TMPRSS11D: variants seen among roughly 807,000 people sequenced by gnomAD.
TMPRSS11D encodes the protein transmembrane protease serine 11D.
A neutral mutation model predicts 44.4 loss-of-function variants in TMPRSS11D; 32 were observed. The observed-to-expected ratio is 0.72, with a 90% CI of 0.54 to 0.97. TMPRSS11D has a LOEUF of 0.97. Among genes scored for constraint, TMPRSS11D ranks in the 50% least tolerant of loss-of-function variants. TMPRSS11D has a pLI of 0.00. For synonymous variants in TMPRSS11D, 179 were observed against 177.9 expected (o/e 1.01, Z -0.05); for missense variants, 446 against 502.6 (o/e 0.89, Z 1.08).
chr4:67,829,123 TAAAAC>T (rs570153950), intron 7 of TMPRSS11D, among the ~76,000 whole-genome samples: 126 of 152,044 alleles, frequency 8.3e-4, no homozygotes, highest in African/African-American at 2.9e-3. Context: ...TCCCTAATCT[TAAAAC>T]AATCTTTAAA....
intron 3 of TMPRSS11D, among the ~76,000 whole-genome samples, chr4:67,846,492 C>A (rs889267258): frequency 1.3e-5 from 2 of 152,026 alleles, no homozygotes. Context: ...TGGCTTTAAG[C>A]ATTGAAAAAG....
intron 7 of TMPRSS11D, among the ~76,000 whole-genome samples, chr4:67,831,422 A>G (rs1044944339): frequency 6.6e-6 from 1 of 152,222 alleles, no homozygotes; most frequent in South Asian, 2.1e-4. Context: ...ATGGTAATGA[A>G]TAGAAGGATG....
intron 1 of TMPRSS11D, among the ~76,000 whole-genome samples, chr4:67,879,317 T>C (rs1719265473): frequency 1.3e-5 from 2 of 151,204 alleles, no homozygotes; most frequent in South Asian, 4.2e-4. Context: ...CCATCTCTAC[T>C]AAAAATACAA....
At chr4:67,861,820 G>C (rs1247710566) in intron 1 of TMPRSS11D, among the ~76,000 whole-genome samples, 1 of 152,056 alleles carries the variant, frequency 6.6e-6, no homozygotes, top group Non-Finnish European at 1.5e-5. Context: ...ACATAAGAAT[G>C]AATTGTTCCA....
At chr4:67,845,529 GA>G (rs1718337650) in intron 3 of TMPRSS11D, among the ~76,000 whole-genome samples, 1 of 152,226 alleles carries the variant, frequency 6.6e-6, no homozygotes, top group East Asian at 1.9e-4. Context: ...GCAAATCATA[GA>G]GACGATGTAT....
At chr4:67,856,449 C>T (rs546456563) in intron 2 of TMPRSS11D, among the ~76,000 whole-genome samples, 21 of 152,158 alleles carry the variant, frequency 1.4e-4, no homozygotes, top group African/African-American at 5.1e-4. Flanking sequence ...TGAAACTGGA[C>T]CCTTATCTCT....
chr4:67,862,972 G>A (rs994898013), intron 1 of TMPRSS11D, among the ~76,000 whole-genome samples: 2 of 151,690 alleles, frequency 1.3e-5, no homozygotes, highest in Non-Finnish European at 2.9e-5. Context: ...GAGTTAATGG[G>A]TGCAGCACAA....
Position 67,827,286 on chromosome 4 carries a change from T to G in TMPRSS11D, c.927A>C (p.Thr309=). The change falls in exon 8 of 10, where the codon ACA becomes ACC. Residue 309 remains threonine (T), a synonymous_variant. Coordinates refer to ENST00000283916, the MANE Select transcript of TMPRSS11D (RefSeq NM_004262.3). ...CAGCATATTCTTGAGCGCCCCATCC[T>G]GTTACATAAGCAGTAGAGCCAGGTG... ...NIPPGSTAYV[T]GWGAQEYAGH... 3 of 1,611,890 alleles carry G rather than the reference T, an allele frequency of 1.9e-6. No homozygotes were observed. Among genetic ancestry groups the G allele is most frequent in the Non-Finnish European group, 2.5e-6 (3 of 1,179,110 alleles).
intron 1 of TMPRSS11D, among the ~76,000 whole-genome samples, chr4:67,879,855 A>T (rs1039892018): frequency 2.0e-5 from 3 of 152,192 alleles, no homozygotes; most frequent in Admixed American, 6.5e-5. Flanking sequence ...GTACCATTGG[A>T]CCCGTGTAAG....
At chr4:67,840,720 C>G (rs1440023691) in intron 4 of TMPRSS11D, among the ~76,000 whole-genome samples, 1 of 152,016 alleles carries the variant, frequency 6.6e-6, no homozygotes, top group African/African-American at 2.4e-5. Context: ...GATGGATACC[C>G]CATTTTACAC....
chr4:67,872,826 G>A (rs6811522), intron 1 of TMPRSS11D, among the ~76,000 whole-genome samples: 17,239 of 152,194 alleles, frequency 0.11, 1,145 homozygotes, highest in Non-Finnish European at 0.15. Context: ...TGTTAGTATT[G>A]ATGGCAAGCA....
At chr4:67,871,136 A>G (rs542058262) in intron 1 of TMPRSS11D, among the ~76,000 whole-genome samples, 3 of 102,442 alleles carry the variant, frequency 2.9e-5, no homozygotes, top group African/African-American at 1.0e-4. Context: ...TGAAAAGTCT[A>G]TAAAGGAAGG....
chr4:67,833,528 T>C (rs1717998985), intron 6 of TMPRSS11D, 147 bp from the exon 7 acceptor site: 1 of 664,582 alleles, frequency 1.5e-6, no homozygotes, highest in Admixed American at 3.9e-5. Context: ...GCATGATCGA[T>C]ATATTTCTAC....
intron 1 of TMPRSS11D, among the ~76,000 whole-genome samples, chr4:67,862,395 C>G (rs1718811605): frequency 6.6e-6 from 1 of 152,126 alleles, no homozygotes; most frequent in Non-Finnish European, 1.5e-5. Flanking sequence ...CTCACATACA[C>G]TTTGTCCCTA....
At chr4:67,882,646 A>G (rs1719347384) in intron 1 of TMPRSS11D, among the ~76,000 whole-genome samples, 2 of 152,298 alleles carry the variant, frequency 1.3e-5, no homozygotes, top group South Asian at 4.1e-4. Flanking sequence ...TAATTTCTTT[A>G]AAATTAAAAT....
chr4:67,865,632 GA>G (rs1560547807), intron 1 of TMPRSS11D, among the ~76,000 whole-genome samples: 1 of 151,520 alleles, frequency 6.6e-6, no homozygotes, highest in East Asian at 1.9e-4. Flanking sequence ...AATCAGAAAT[GA>G]AAAAGGAAAC....
At chr4:67,849,156 A>G (rs1286738033) in intron 3 of TMPRSS11D, among the ~76,000 whole-genome samples, 3 of 152,200 alleles carry the variant, frequency 2.0e-5, no homozygotes, top group Admixed American at 1.3e-4. Flanking sequence ...AATTTTAAGG[A>G]TGAATTCTAG....
intron 1 of TMPRSS11D, among the ~76,000 whole-genome samples, chr4:67,879,852 T>C (rs1462858809): frequency 6.6e-6 from 1 of 152,254 alleles, no homozygotes; most frequent in East Asian, 1.9e-4. Context: ...TTTGTACCAT[T>C]GGACCCGTGT....
chr4:67,842,466 T>A, intron 4 of TMPRSS11D, 92 bp downstream of exon 4: 1 of 1,152,784 alleles, frequency 8.7e-7, no homozygotes. Flanking sequence ...ACAACTTATC[T>A]GAACATGTCA....
Sources: gnomAD v4.1 joint callset for allele counts (sites outside exome capture counted in the v4.1 genomes callset) on GRCh38, gnomAD v4.1.1 for gene constraint, MANE v1.5 for transcripts, NCBI Gene and HGNC (gene_info 2026-07-23, HGNC 2026-07-21) for gene names.